Variants in DYRK3 observed in about 807,000 individuals in gnomAD.
DYRK3 encodes the protein dual specificity tyrosine-phosphorylation-regulated kinase 3.
In DYRK3, 30 loss-of-function variants were observed where a neutral mutation model predicts 40.8. That is an observed-to-expected ratio of 0.74 (90% CI 0.55 to 1.00). The LOEUF (loss-of-function observed/expected upper bound fraction) is 1.00. DYRK3 is among the 50% of genes least tolerant of loss of function. The pLI is 0.00. For missense variants in DYRK3, 699 were observed against 731.5 expected (o/e 0.96, Z 0.51); for synonymous variants, 272 against 260.7 (o/e 1.04, Z -0.42).
rs782446335 is a variant in DYRK3, at chr1:206,647,842, T to C, written c.644T>C (p.Ile215Thr). The change falls in exon 3 of 3, where the codon ATT (isoleucine) becomes ACT (threonine). Residue 215 changes from isoleucine to threonine, a missense_variant. Ile to Thr is a moderately conservative substitution (Grantham distance 89). Transcript: ENST00000367109. Reference protein sequence around the residue: ...LAYRYEVLKIIGKGSFGQVAR... With the variant: ...LAYRYEVLKITGKGSFGQVAR... ...TATCGATATGAGGTGCTGAAAATTATTGGCAAGGGGAGTTTTGGGCAGGTG... is the reference window on the plus strand; with the variant it reads ...TATCGATATGAGGTGCTGAAAATTACTGGCAAGGGGAGTTTTGGGCAGGTG... 1.9e-6 allele frequency: 3 copies of C among 1,614,118 alleles called. No homozygotes were observed. Among genetic ancestry groups the C allele is most frequent in the East Asian group, 4.5e-5 (2 of 44,870 alleles).
intron 1 of DYRK3, among the ~76,000 whole-genome samples, chr1:206,636,605 A>T (rs782125793): frequency 2.6e-5 from 4 of 152,168 alleles, no homozygotes; most frequent in African/African-American, 9.7e-5. Context: ...ATATTTTTAT[A>T]ACACATCTAT....
In DYRK3 at chr1:206,647,426, C is replaced by T. The variant is rs782664992; in HGVS notation, c.228C>T (p.His76=). 3.1e-6 allele frequency: 5 copies of T among 1,613,692 alleles called. No homozygotes were observed. In the African/African-American group the frequency reaches 4.0e-5, roughly 13 times the overall value. The part of the protein sequence containing the change: ...TEQFTGDHTQ[H]FLDGGEMKVE... ...AGTTTACAGGAGATCATACTCAGCA[C>T]TTTTTGGATGGAGGTGAGATGAAGG... Residue 76 remains histidine (H), a synonymous_variant, in exon 3 of 3, where the codon CAC becomes CAT. Coordinates refer to ENST00000367109, the MANE Select transcript of DYRK3 (RefSeq NM_003582.4).
chr1:206,645,636 C>G (rs1242565251), intron 2 of DYRK3, among the ~76,000 whole-genome samples: 1 of 151,888 alleles, frequency 6.6e-6, no homozygotes, highest in African/African-American at 2.4e-5. Flanking sequence ...GCCTCAGCCT[C>G]CCAAGTAGCT....
chr1:206,640,744 G>T (rs1388324244), intron 2 of DYRK3, among the ~76,000 whole-genome samples: 1 of 151,912 alleles, frequency 6.6e-6, no homozygotes, highest in Non-Finnish European at 1.5e-5. Flanking sequence ...TAGAGAGAGG[G>T]TTTCATCGTG....
At chr1:206,645,788 A>G (rs1369144463) in intron 2 of DYRK3, among the ~76,000 whole-genome samples, 6 of 151,582 alleles carry the variant, frequency 4.0e-5, no homozygotes, top group Non-Finnish European at 7.4e-5. Flanking sequence ...TGGCCTCCCA[A>G]AGTTCTGGGG....
chr1:206,648,530 T>C lies in DYRK3; in HGVS notation c.1332T>C (p.Asn444=). ...CCAAACGTGCCAAGTACTTTATTAATTCCAAGGGCATACCCCGCTACTGCT... is the reference window on the plus strand; with the variant it reads ...CCAAACGTGCCAAGTACTTTATTAACTCCAAGGGCATACCCCGCTACTGCT... ...EQSKRAKYFI[N]SKGIPRYCSV... The change falls in exon 3 of 3, where the codon AAT becomes AAC. Residue 444 remains asparagine, a synonymous_variant. Coordinates refer to ENST00000367109, the MANE Select transcript of DYRK3 (RefSeq NM_003582.4). 1 of 1,614,024 alleles carries C rather than the reference T, an allele frequency of 6.2e-7. No individual in the cohort carries two copies. The highest frequency in any genetic ancestry group is 8.5e-7 in the Non-Finnish European group (1 of 1,179,930).
rs868953507 is a variant in DYRK3 at position 206,653,826 on chromosome 1, G to A, written c.*4861G>A. On this transcript the variant is annotated 3_prime_UTR_variant, in exon 3 of 3. Transcript: ENST00000367109. ...GGAAGTTTGACTTATGACCATATTA[G>A]TATGCTTTATTCCTTGGTGTTTAAG... Among the ~76,000 whole-genome samples the A allele has an allele frequency of 6.6e-6, 1 of 152,192 alleles. No homozygotes were observed. The highest frequency in any genetic ancestry group is 1.5e-5 in the Non-Finnish European group (1 of 68,038).
intron 2 of DYRK3, among the ~76,000 whole-genome samples, chr1:206,639,927 T>G (rs568871943): frequency 1.7e-4 from 26 of 150,372 alleles, no homozygotes; most frequent in African/African-American, 6.1e-4. Context: ...ATTACTCATT[T>G]CTTTTTTTTT....
Position 206,648,243 on chromosome 1 carries a change from A to C in DYRK3, c.1045A>C (p.Ser349Arg), listed in dbSNP as rs535884034. The change falls in exon 3 of 3, where the codon AGT (serine) becomes CGT (arginine). Residue 349 changes from serine to arginine, a missense_variant. Physicochemically the swap from Ser to Arg is moderately radical, Grantham distance 110. Coordinates refer to ENST00000367109, the MANE Select transcript of DYRK3 (RefSeq NM_003582.4). ...ENILLKHHGR[S>R]STKVIDFGSS... is the part of the protein sequence containing the mutation. ...CATTCTCCTGAAACACCACGGGCGC[A>C]GTTCAACCAAGGTCATTGACTTTGG... 1 of 1,614,200 alleles carries C rather than the reference A, an allele frequency of 6.2e-7. No individual in the cohort carries two copies. The highest frequency in any genetic ancestry group is 1.3e-5 in the African/African-American group (1 of 75,048).
intron 2 of DYRK3, 32 bp downstream of exon 2, chr1:206,637,793 A>T (rs782088514): frequency 1.9e-6 from 3 of 1,554,184 alleles, no homozygotes; most frequent in East Asian, 2.2e-5. Flanking sequence ...TTGTACATGA[A>T]TTGTTTTGGA....
chr1:206,637,860 C>CT (rs1376136696), intron 2 of DYRK3, 99 bp downstream of exon 2: 53 of 863,002 alleles, frequency 6.1e-5, no homozygotes, highest in South Asian at 7.7e-5. Flanking sequence ...GACAACCAGA[C>CT]TTTTTTTTGG....
At position 206,647,496 on chromosome 1, in the gene DYRK3, A is replaced by G. The variant is rs782114364; in HGVS notation, c.298A>G (p.Ile100Val). ...ATTTGGCAACAGAAAATCCAATACT[A>G]TTCAGTCAGATGGCATCAGTGACTC... is the stretch of plus-strand genomic sequence containing the variant. ...QEFGNRKSNT[I>V]QSDGISDSEK... Residue 100 changes from isoleucine to valine, a missense_variant, in exon 3 of 3, where the codon ATT becomes GTT. Ile to Val is a conservative substitution (Grantham distance 29). Coordinates refer to ENST00000367109, the MANE Select transcript of DYRK3 (RefSeq NM_003582.4). 17 of 1,614,054 alleles carry G rather than the reference A, an allele frequency of 1.1e-5. No individual in the cohort carries two copies. Among genetic ancestry groups the G allele is most frequent in the African/African-American group, 8.0e-5 (6 of 74,924 alleles).
At position 206,637,673 on chromosome 1, in the gene DYRK3, C is replaced by A. The variant is rs1671154004; in HGVS notation, c.101C>A (p.Thr34Asn). ...AGGTTGGGGGATGGTGTCTATGACA[C>A]CTTCATGATGATAGATGAAACCAAA... ...QRRLGDGVYDTFMMIDETKCP... is the reference protein window; with the variant it reads ...QRRLGDGVYDNFMMIDETKCP... The change falls in exon 2 of 3, where the codon ACC becomes AAC. Residue 34 changes from threonine to asparagine, a missense_variant. By Grantham distance (65) the Thr-to-Asn change is moderately conservative (BLOSUM62 0). Coordinates refer to ENST00000367109, the MANE Select transcript of DYRK3 (RefSeq NM_003582.4). 6.2e-7 allele frequency: 1 copy of A among 1,613,804 alleles called. No individual in the cohort carries two copies. Among genetic ancestry groups the A allele is most frequent in the Admixed American group, 1.7e-5 (1 of 59,986 alleles).
chr1:206,636,219 G>GTA, intron 1 of DYRK3: 1 of 519,128 alleles, frequency 1.9e-6, no homozygotes, highest in Non-Finnish European at 3.7e-6. Flanking sequence ...AGCTTCGAAT[G>GTA]TACAGGTTAT....
In DYRK3 at chr1:206,649,085, A is replaced by G. The variant is rs200805518; in HGVS notation, c.*120A>G. On this transcript the variant is annotated 3_prime_UTR_variant, in exon 3 of 3. Coordinates refer to ENST00000367109, the MANE Select transcript of DYRK3 (RefSeq NM_003582.4). ...TTGTTAGAGTAGACTTTTTTTAAACAAGACAAAACATTTTTATATGATTAT... is the reference window on the plus strand; with the variant it reads ...TTGTTAGAGTAGACTTTTTTTAAACGAGACAAAACATTTTTATATGATTAT... 5 of 1,048,784 alleles carry G rather than the reference A, an allele frequency of 4.8e-6. No individual in the cohort carries two copies. In the Admixed American group the frequency reaches 8.1e-5, roughly 17 times the overall value. The allele number at this position is 1,048,784 out of a possible 1,614,324, so 65.0% of individuals were successfully genotyped here. A position where few individuals can be genotyped will look rare whatever the true frequency, so the allele number is the denominator to read the frequency against.
rs576111587 is a variant in DYRK3 at position 206,649,195 on chromosome 1, G to C, written c.*230G>C. 6 of 487,340 alleles carry C rather than the reference G, an allele frequency of 1.2e-5. No homozygotes were observed. The highest frequency in any genetic ancestry group is 7.4e-5 in the Admixed American group (2 of 27,028). 30.2% of individuals were successfully genotyped at this position (487,340 alleles called of 1,614,324 possible). A position where few individuals can be genotyped will look rare whatever the true frequency, so the allele number is the denominator to read the frequency against. On this transcript the variant is annotated 3_prime_UTR_variant, in exon 3 of 3. Transcript: ENST00000367109. ...ATTAAATGACTTTTTATAGGTCAATGCATCTTTGTTATTATCGTCAGATGT... is the reference window on the plus strand; with the variant it reads ...ATTAAATGACTTTTTATAGGTCAATCCATCTTTGTTATTATCGTCAGATGT...
chr1:206,647,581 A>G lies in DYRK3; in HGVS notation c.383A>G (p.Lys128Arg), dbSNP rs1671492063. ...GKSSDCLNTV[K>R]SNSSSKAPKV... ...AGTTCAGATTGCTTGAATACAGTAA[A>G]ATCCAACAGTTCATCCAAGGCACCC... Residue 128 changes from lysine to arginine, a missense_variant, in exon 3 of 3, where the codon AAA (lysine) becomes AGA (arginine). Coordinates refer to ENST00000367109, the MANE Select transcript of DYRK3 (RefSeq NM_003582.4). 1 of 1,613,998 alleles carries G rather than the reference A, an allele frequency of 6.2e-7. No individual in the cohort carries two copies. The highest frequency in any genetic ancestry group is 1.7e-5 in the Admixed American group (1 of 59,986).
Position 206,648,287 on chromosome 1 carries a change from C to T in DYRK3, c.1089C>T (p.Tyr363=). The T allele has an allele frequency of 6.2e-7, 1 of 1,614,130 alleles. No individual in the cohort carries two copies. The highest frequency in any genetic ancestry group is 8.5e-7 in the Non-Finnish European group (1 of 1,180,034). The part of the protein sequence containing the change: ...VIDFGSSCFE[Y]QKLYTYIQSR... ...ACTTTGGGTCCAGCTGTTTCGAGTA[C>T]CAGAAGCTCTACACATATATCCAGT... Residue 363 remains tyrosine, a synonymous_variant, in exon 3 of 3, where the codon TAC becomes TAT. Coordinates refer to ENST00000367109, the MANE Select transcript of DYRK3 (RefSeq NM_003582.4).
At position 206,637,703 on chromosome 1, in the gene DYRK3, C is replaced by T. The variant is rs141657852; in HGVS notation, c.131C>T (p.Pro44Leu). 2.2e-4 allele frequency: 360 copies of T among 1,613,676 alleles called. 1 individual carries two copies. Among genetic ancestry groups the T allele is most frequent in the Non-Finnish European group, 2.6e-4 (309 of 1,179,902 alleles). Residue 44 changes from proline (P) to leucine (L), a missense_variant, in exon 2 of 3, where the codon CCC becomes CTC. Transcript: ENST00000367109. Reference sequence around the variant, plus strand: ...ATGATGATAGATGAAACCAAATGTCCCCCCTGTTCAAATGTACTCTGCAAT... The same window carrying T: ...ATGATGATAGATGAAACCAAATGTCTCCCCTGTTCAAATGTACTCTGCAAT... ...TFMMIDETKCPPCSNVLCNPS... is the reference protein window; with the variant it reads ...TFMMIDETKCLPCSNVLCNPS...
Sources: gnomAD v4.1 joint callset for allele counts (sites outside exome capture counted in the v4.1 genomes callset) on GRCh38, gnomAD v4.1.1 for gene constraint, MANE v1.5 for transcripts, NCBI Gene and HGNC (gene_info 2026-07-23, HGNC 2026-07-21) for gene names.